RYR2: variants seen among roughly 807,000 people sequenced by gnomAD.
RYR2 encodes cardiac muscle ryanodine receptor-calcium release channel.
In RYR2, 227 loss-of-function variants were observed where a neutral mutation model predicts 601.1. The ratio of observed to expected loss-of-function variants is 0.38; its 90% CI spans 0.34 to 0.42. The LOEUF (loss-of-function observed/expected upper bound fraction) is 0.42, where lower values mean the gene tolerates loss of function less well. RYR2 is among the 10% of genes least tolerant of loss of function. RYR2 has a pLI of 1.00. For missense variants in RYR2, 4,646 were observed against 6,156.5 expected (o/e 0.75, Z 8.21); for synonymous variants, 2,223 against 2,175.1 (o/e 1.02, Z -0.61).
chr1:237,674,313 A>G, intron 59 of RYR2, 94 bp downstream of exon 59: 1 of 995,282 alleles, frequency 1.0e-6, no homozygotes, highest in East Asian at 2.6e-5. Context: ...GAATTCAATG[A>G]TCTGTTTACA....
In RYR2 at chr1:237,707,083, C is replaced by T. The variant is rs1351601477; in HGVS notation, c.9715C>T (p.Leu3239=). 4 of 1,613,956 alleles carry T rather than the reference C, an allele frequency of 2.5e-6. No homozygotes were observed. Among genetic ancestry groups the T allele is most frequent in the Admixed American group, 3.3e-5 (2 of 60,018 alleles). The change falls in exon 68 of 105, where the codon CTG becomes TTG. Residue 3239 remains leucine, a synonymous_variant. Transcript: ENST00000366574. ...AATGCCACATGTCATGGAAGTCATA[C>T]TGCCCATGCTTTGCAGCTACATGTC... ...TQMPHVMEVI[L]PMLCSYMSRW... is the part of the protein sequence containing the mutation.
At chr1:237,310,920 G>A (rs1010962132) in intron 2 of RYR2, among the ~76,000 whole-genome samples, 8 of 152,142 alleles carry the variant, frequency 5.3e-5, no homozygotes, top group Admixed American at 1.3e-4. Context: ...TATTTTGTTA[G>A]TAGAAGTTTC....
At chr1:237,814,177 A>G (rs559943040) in intron 100 of RYR2, among the ~76,000 whole-genome samples, 3 of 152,378 alleles carry the variant, frequency 2.0e-5, no homozygotes, top group Non-Finnish European at 2.9e-5. Context: ...AATTTAAAAT[A>G]TAACTGATCA....
chr1:237,219,112 A>G (rs894258275), intron 1 of RYR2, among the ~76,000 whole-genome samples: 1 of 150,506 alleles, frequency 6.6e-6, no homozygotes, highest in African/African-American at 2.4e-5. Context: ...CCTGGGTTCA[A>G]GTGATTCTCC....
At chr1:237,528,604 T>G (rs1572730389) in intron 24 of RYR2, among the ~76,000 whole-genome samples, 3 of 152,210 alleles carry the variant, frequency 2.0e-5, no homozygotes, top group East Asian at 3.9e-4. Flanking sequence ...AAGAAGATTA[T>G]GAGGCTGAAT....
intron 1 of RYR2, among the ~76,000 whole-genome samples, chr1:237,134,392 G>A (rs2148718514): frequency 6.6e-6 from 1 of 152,290 alleles, no homozygotes; most frequent in East Asian, 1.9e-4. Flanking sequence ...CCACGTGGCT[G>A]GGGAGGCCCC....
chr1:237,500,633 T>G, intron 20 of RYR2, 78 bp from the exon 21 acceptor site: 1 of 1,274,370 alleles, frequency 7.8e-7, no homozygotes, highest in Non-Finnish European at 1.1e-6. Context: ...CTTATTCAAA[T>G]CTTTTGACTT....
At chr1:237,720,594 T>G (rs1044660517) in intron 73 of RYR2, among the ~76,000 whole-genome samples, 2 of 152,208 alleles carry the variant, frequency 1.3e-5, no homozygotes, top group Admixed American at 6.5e-5. Flanking sequence ...CTACAAACAT[T>G]TTTCCCCTAT....
chr1:237,470,179 C>T (rs899640868), intron 17 of RYR2, among the ~76,000 whole-genome samples: 2 of 152,180 alleles, frequency 1.3e-5, no homozygotes, highest in African/African-American at 4.8e-5. Flanking sequence ...TGGTTTCATT[C>T]ATCTTTGTTC....
intron 1 of RYR2, among the ~76,000 whole-genome samples, chr1:237,185,586 A>C (rs1030855922): frequency 1.3e-5 from 2 of 151,964 alleles, no homozygotes; most frequent in Admixed American, 1.3e-4. Context: ...TCAAATAACA[A>C]ACCTTTGGGT....
chr1:237,219,297 C>T (rs1223416594), intron 1 of RYR2, among the ~76,000 whole-genome samples: 3 of 152,152 alleles, frequency 2.0e-5, no homozygotes, highest in Non-Finnish European at 2.9e-5. Flanking sequence ...TGATTACAGG[C>T]ATGAGCCACT....
intron 62 of RYR2, among the ~76,000 whole-genome samples, chr1:237,684,089 G>A (rs1272868977): frequency 2.7e-5 from 4 of 150,476 alleles, no homozygotes; most frequent in African/African-American, 9.8e-5. Flanking sequence ...CACCATGCCC[G>A]GCTAATTTTT....
chr1:237,448,704 A>T (rs1478825910), intron 14 of RYR2, among the ~76,000 whole-genome samples: 2 of 152,002 alleles, frequency 1.3e-5, no homozygotes, highest in African/African-American at 4.8e-5. Context: ...TCTTTTGATG[A>T]ACTGACCCCT....
intron 2 of RYR2, among the ~76,000 whole-genome samples, chr1:237,314,067 T>C (rs568824540): frequency 0.012 from 1,736 of 143,310 alleles, 16 homozygotes; most frequent in South Asian, 0.024. Flanking sequence ...GAATTTCTTT[T>C]TTTTTTTTTT....
chr1:237,185,476 A>G (rs566305943), intron 1 of RYR2, among the ~76,000 whole-genome samples: 23 of 152,176 alleles, frequency 1.5e-4, no homozygotes, highest in Non-Finnish European at 2.8e-4. Flanking sequence ...TTTGCCTCTC[A>G]CATTCTCTAT....
intron 96 of RYR2, among the ~76,000 whole-genome samples, chr1:237,795,856 GTATA>G (rs1205860625): frequency 2.2e-3 from 179 of 79,710 alleles, no homozygotes; most frequent in African/African-American, 5.9e-3. Context: ...ATATGTATAT[GTATA>G]TATATATATA....
chr1:237,567,365 G>C (rs1672190594), intron 28 of RYR2, among the ~76,000 whole-genome samples: 1 of 147,060 alleles, frequency 6.8e-6, no homozygotes, highest in Admixed American at 7.2e-5. Context: ...GATCACTTGG[G>C]GCTAGGAGTG....
At chr1:237,299,727 C>G (rs1228474133) in intron 2 of RYR2, among the ~76,000 whole-genome samples, 1 of 152,098 alleles carries the variant, frequency 6.6e-6, no homozygotes, top group Non-Finnish European at 1.5e-5. Context: ...TAATATCCTC[C>G]TAGGGGCTTT....
At chr1:237,705,114 A>C in intron 66 of RYR2, 99 bp from the exon 67 acceptor site, 1 of 1,045,964 alleles carries the variant, frequency 9.6e-7, no homozygotes, top group Non-Finnish European at 1.4e-6. Flanking sequence ...ATTAGGACCA[A>C]TATTATCATT....
Sources: gnomAD v4.1 joint callset for allele counts (sites outside exome capture counted in the v4.1 genomes callset) on GRCh38, gnomAD v4.1.1 for gene constraint, MANE v1.5 for transcripts, NCBI Gene and HGNC (gene_info 2026-07-23, HGNC 2026-07-21) for gene names.